DNAJC15: variants seen among roughly 807,000 people sequenced by gnomAD.
The protein encoded by DNAJC15 is dnaJ homolog subfamily C member 15.
In DNAJC15, 27 loss-of-function variants were observed where a neutral mutation model predicts 22.4. The observed-to-expected ratio is 1.20, with a 90% CI of 0.89 to 1.66. DNAJC15 has a LOEUF of 1.66. Among genes scored for constraint, DNAJC15 ranks in the 40% most tolerant of loss-of-function variants. The probability of loss-of-function intolerance (pLI) is 0.00; values close to 1 mark genes in which losing one functional copy is unlikely to be tolerated. For missense variants in DNAJC15, 208 were observed against 187.1 expected (o/e 1.11, Z -0.65); for synonymous variants, 79 against 63.2 (o/e 1.25, Z -1.19).
intron 1 of DNAJC15, among the ~76,000 whole-genome samples, chr13:43,029,078 A>C (rs2040393236): frequency 6.6e-6 from 1 of 152,150 alleles, no homozygotes. Flanking sequence ...ATAAACATGG[A>C]TATTTGATTT....
At chr13:43,086,111 G>T (rs1000447563) in intron 5 of DNAJC15, among the ~76,000 whole-genome samples, 4 of 152,108 alleles carry the variant, frequency 2.6e-5, no homozygotes, top group Non-Finnish European at 4.4e-5. Flanking sequence ...AAGAAAAATC[G>T]AAAACACGAG....
chr13:43,087,840 T>C (rs1172013169), intron 5 of DNAJC15, among the ~76,000 whole-genome samples: 1 of 152,148 alleles, frequency 6.6e-6, no homozygotes, highest in Non-Finnish European at 1.5e-5. Flanking sequence ...GAAAATAAAT[T>C]TTTGTAATTA....
intron 5 of DNAJC15, among the ~76,000 whole-genome samples, chr13:43,104,062 T>C (rs915005458): frequency 6.6e-6 from 1 of 152,180 alleles, no homozygotes; most frequent in Admixed American, 6.5e-5. Context: ...AGATATAATT[T>C]ATATAGAATA....
Position 43,107,718 on chromosome 13 carries a change from C to T in DNAJC15, c.*470C>T, listed in dbSNP as rs1277247707. On this transcript the variant is annotated 3_prime_UTR_variant, in exon 6 of 6. Transcript: ENST00000379221. ...TCTTGAGAACAAGCACTGGCTGATA[C>T]CTCTTGGAGATATGATCTGAAATGT... 6.6e-6 allele frequency: 1 copy of T among 152,076 alleles called. No individual in the cohort carries two copies. Among genetic ancestry groups the T allele is most frequent in the East Asian group, 1.9e-4 (1 of 5,196 alleles). The allele number at this position is 152,076 out of a possible 1,614,324, so 9.4% of individuals were successfully genotyped here.
Position 43,110,829 on chromosome 13 carries a change from T to C in DNAJC15, c.*3581T>C, listed in dbSNP as rs76519343. 0.22 allele frequency: 32,959 copies of C among 152,080 alleles called. 3,732 individuals carry two copies. The highest frequency in any genetic ancestry group is 0.39 in the South Asian group (1,895 of 4,816). 9.4% of individuals were successfully genotyped at this position (152,080 alleles called of 1,614,324 possible). ...GGCAGTAGGCTTATAAAACTGAATTTTCACCAGCCACACCCTCCCCCCAAC... is the reference window on the plus strand; with the variant it reads ...GGCAGTAGGCTTATAAAACTGAATTCTCACCAGCCACACCCTCCCCCCAAC... On this transcript the variant is annotated 3_prime_UTR_variant, in exon 6 of 6. Transcript: ENST00000379221.
chr13:43,106,856 TA>T (rs1334965881), intron 5 of DNAJC15, among the ~76,000 whole-genome samples: 1 of 151,950 alleles, frequency 6.6e-6, no homozygotes, highest in African/African-American at 2.4e-5. Flanking sequence ...ACCATCCACT[TA>T]ATTTTAGAAA....
intron 3 of DNAJC15, among the ~76,000 whole-genome samples, chr13:43,070,305 A>G (rs374082254): frequency 1.3e-5 from 2 of 152,176 alleles, no homozygotes; most frequent in Non-Finnish European, 2.9e-5. Context: ...TTTCCTATTT[A>G]TATTTTATTT....
intron 5 of DNAJC15, among the ~76,000 whole-genome samples, chr13:43,102,605 G>A (rs569653943): frequency 4.2e-4 from 64 of 152,062 alleles, no homozygotes; most frequent in African/African-American, 1.4e-3. Context: ...GAGAAACTCC[G>A]TCTCAAAAAA....
At position 43,105,525 on chromosome 13, in the gene DNAJC15, A is replaced by G. The variant is rs529402658; in HGVS notation, c.383-1653A>G. Among the ~76,000 whole-genome samples, 11 of 152,332 alleles carry G rather than the reference A, an allele frequency of 7.2e-5. No individual in the cohort carries two copies. In the South Asian group the frequency reaches 2.3e-3, roughly 32 times the overall value. On this transcript the variant is annotated intron_variant, in intron 5 of 5. Transcript: ENST00000379221. ...CTCTAACTTAGAGTGAGTGGTAGAG[A>G]ATTCAACGTTATTCTGAATAAATTG...
intron 3 of DNAJC15, among the ~76,000 whole-genome samples, chr13:43,069,926 T>C (rs1367250084): frequency 6.6e-6 from 1 of 152,202 alleles, no homozygotes; most frequent in Non-Finnish European, 1.5e-5. Flanking sequence ...TTTCAATAAA[T>C]ATTTCAAAAC....
intron 5 of DNAJC15, among the ~76,000 whole-genome samples, chr13:43,091,666 C>T (rs926760969): frequency 6.7e-6 from 1 of 150,330 alleles, no homozygotes; most frequent in Non-Finnish European, 1.5e-5. Flanking sequence ...TTCATTCCTT[C>T]CACTATCTTT....
At position 43,023,614 on chromosome 13, in the gene DNAJC15, G is replaced by C. The variant is rs755538406; in HGVS notation, c.-13G>C. 1.0e-5 allele frequency: 16 copies of C among 1,604,794 alleles called. No individual in the cohort carries two copies. The highest frequency in any genetic ancestry group is 8.9e-5 in the South Asian group (8 of 89,672). ...CACTGCCGCGGCGCCTTGAGTCTCCGGGCCGCCTTGCCATGGCTGCCCGTG... is the reference window on the plus strand; with the variant it reads ...CACTGCCGCGGCGCCTTGAGTCTCCCGGCCGCCTTGCCATGGCTGCCCGTG... On this transcript the variant is annotated 5_prime_UTR_variant, in exon 1 of 6. Transcript: ENST00000379221.
chr13:43,075,186 A>G (rs2040627795), intron 3 of DNAJC15, among the ~76,000 whole-genome samples: 1 of 152,182 alleles, frequency 6.6e-6, no homozygotes, highest in South Asian at 2.1e-4. Context: ...GGTTGTGTTG[A>G]TTATATGTAT....
chr13:43,066,833 A>G (rs576312324), intron 2 of DNAJC15, among the ~76,000 whole-genome samples: 1 of 152,170 alleles, frequency 6.6e-6, no homozygotes, highest in South Asian at 2.1e-4. Context: ...TTTAGCCAGG[A>G]TGGTTTCGAT....
intron 1 of DNAJC15, among the ~76,000 whole-genome samples, chr13:43,043,007 A>G (rs1243247434): frequency 6.6e-6 from 1 of 152,212 alleles, no homozygotes; most frequent in Non-Finnish European, 1.5e-5. Context: ...CAGGGGCTGC[A>G]AGTGCTCTCC....
chr13:43,085,422 A>C (rs950526731), intron 4 of DNAJC15, among the ~76,000 whole-genome samples: 11 of 152,106 alleles, frequency 7.2e-5, no homozygotes, highest in African/African-American at 2.7e-4. Context: ...CTTGTCTGCT[A>C]CACCGTATAT....
intron 5 of DNAJC15, among the ~76,000 whole-genome samples, chr13:43,105,830 T>G (rs976004427): frequency 6.6e-6 from 1 of 152,210 alleles, no homozygotes; most frequent in African/African-American, 2.4e-5. Context: ...ATTGCTAGAT[T>G]GTCTTCAAAG....
intron 1 of DNAJC15, among the ~76,000 whole-genome samples, chr13:43,045,411 A>C (rs1226292097): frequency 1.3e-5 from 2 of 152,176 alleles, no homozygotes; most frequent in South Asian, 2.1e-4. Context: ...CTTAAAATCC[A>C]AGCTCCCCGA....
intron 1 of DNAJC15, among the ~76,000 whole-genome samples, chr13:43,045,609 C>T (rs9533358): frequency 0.24 from 36,232 of 152,044 alleles, 4,795 homozygotes; most frequent in Non-Finnish European, 0.3. Flanking sequence ...TGGGTAACAT[C>T]GGGTTCTAAG....
Sources: gnomAD v4.1 joint callset for allele counts (sites outside exome capture counted in the v4.1 genomes callset) on GRCh38, gnomAD v4.1.1 for gene constraint, MANE v1.5 for transcripts, NCBI Gene and HGNC (gene_info 2026-07-23, HGNC 2026-07-21) for gene names.